The following GPBP1 variants were observed in gnomAD, a reference collection of about 807,000 sequenced individuals.
GPBP1 encodes the protein GC-rich promoter binding protein 1.
In GPBP1, 13 loss-of-function variants were observed where a neutral mutation model predicts 56.5. That is an observed-to-expected ratio of 0.23 (90% confidence interval 0.15 to 0.37). The LOEUF is 0.37. Among genes scored for constraint, GPBP1 ranks in the 10% least tolerant of loss-of-function variants. The pLI, the probability that GPBP1 is intolerant of heterozygous loss-of-function variation, is 1.00. For missense variants in GPBP1, 477 were observed against 572.3 expected (o/e 0.83, Z 1.70); for synonymous variants, 204 against 188.9 (o/e 1.08, Z -0.66).
chr5:57,228,095 G>A (rs1432722603), intron 3 of GPBP1, among the ~76,000 whole-genome samples: 2 of 152,150 alleles, frequency 1.3e-5, no homozygotes, highest in African/African-American at 2.4e-5. Flanking sequence ...ATAGTAACAA[G>A]TACCCTGTTT....
intron 2 of GPBP1, among the ~76,000 whole-genome samples, chr5:57,176,938 G>A (rs1476596281): frequency 1.3e-5 from 2 of 152,136 alleles, no homozygotes; most frequent in Non-Finnish European, 2.9e-5. Flanking sequence ...AGGCATAGTT[G>A]TTCCTAACAT....
intron 2 of GPBP1, among the ~76,000 whole-genome samples, chr5:57,184,352 G>A (rs758789564): frequency 2.6e-5 from 4 of 152,140 alleles, no homozygotes; most frequent in Non-Finnish European, 4.4e-5. Flanking sequence ...GGTTTTATTG[G>A]CTCTTGGTTC....
chr5:57,185,939 G>A (rs1436942024), intron 2 of GPBP1, among the ~76,000 whole-genome samples: 1 of 151,624 alleles, frequency 6.6e-6, no homozygotes, highest in Non-Finnish European at 1.5e-5. Context: ...TGGACGATGA[G>A]AGTGAACCTT....
chr5:57,186,297 G>A lies in GPBP1; in HGVS notation c.-58+9897G>A, dbSNP rs554896752. ...GCTACTTGAGAGACCAAGGTGGCAG[G>A]TTTGCTTGAACCCAGGAGTTCAAGG... On this transcript the variant is annotated intron_variant, in intron 2 of 11. Coordinates refer to ENST00000506184, the MANE Select transcript of GPBP1 (RefSeq NM_022913.4). Among the ~76,000 whole-genome samples, 3 of 151,758 alleles carry A rather than the reference G, an allele frequency of 2.0e-5. No homozygotes were observed. In the South Asian group the frequency reaches 6.2e-4, roughly 32 times the overall value.
chr5:57,227,140 C>T (rs1048743515), intron 3 of GPBP1, among the ~76,000 whole-genome samples: 7 of 152,134 alleles, frequency 4.6e-5, no homozygotes, highest in Non-Finnish European at 8.8e-5. Flanking sequence ...GCAACCTCCA[C>T]CTCCCAGGTT....
intron 2 of GPBP1, among the ~76,000 whole-genome samples, chr5:57,196,221 C>T (rs1008393218): frequency 6.6e-6 from 1 of 151,816 alleles, no homozygotes; most frequent in Non-Finnish European, 1.5e-5. Flanking sequence ...AGGCTGGTCT[C>T]GAAGTCCTGG....
At chr5:57,183,753 G>A (rs1207641930) in intron 2 of GPBP1, among the ~76,000 whole-genome samples, 1 of 149,242 alleles carries the variant, frequency 6.7e-6, no homozygotes, top group Non-Finnish European at 1.5e-5. Flanking sequence ...TTTTAATACG[G>A]GGGGGATATG....
intron 10 of GPBP1, among the ~76,000 whole-genome samples, chr5:57,258,758 G>A (rs1308011625): frequency 6.6e-6 from 1 of 152,142 alleles, no homozygotes; most frequent in African/African-American, 2.4e-5. Flanking sequence ...TGGAATTACA[G>A]GCATGAGCCA....
At chr5:57,182,404 ACT>A (rs1344882073) in intron 2 of GPBP1, among the ~76,000 whole-genome samples, 1 of 116,360 alleles carries the variant, frequency 8.6e-6, no homozygotes, top group Non-Finnish European at 1.8e-5. Flanking sequence ...ATGGAGTCTC[ACT>A]CTGTCGCCCA....
chr5:57,239,886 T>C (rs1354211783), intron 6 of GPBP1, among the ~76,000 whole-genome samples: 1 of 152,218 alleles, frequency 6.6e-6, no homozygotes, highest in Non-Finnish European at 1.5e-5. Context: ...TAGAAATTTG[T>C]TTAAATTGCT....
chr5:57,202,944 G>A (rs1755082358), intron 2 of GPBP1, among the ~76,000 whole-genome samples: 1 of 152,202 alleles, frequency 6.6e-6, no homozygotes, highest in Non-Finnish European at 1.5e-5. Context: ...TCCATAGGCT[G>A]TTAGAATAAA....
At chr5:57,252,256 T>C (rs1304744033) in intron 10 of GPBP1, among the ~76,000 whole-genome samples, 2 of 151,862 alleles carry the variant, frequency 1.3e-5, no homozygotes, top group Non-Finnish European at 2.9e-5. Context: ...GCTTCAGTGG[T>C]ACCTATTGAA....
At chr5:57,251,506 T>C (rs1206740332) in intron 10 of GPBP1, among the ~76,000 whole-genome samples, 1 of 152,106 alleles carries the variant, frequency 6.6e-6, no homozygotes, top group African/African-American at 2.4e-5. Context: ...TTTTTATTGC[T>C]GAATAGTACA....
Position 57,262,843 on chromosome 5 carries a change from T to A in GPBP1, c.*91T>A. 8.5e-7 allele frequency: 1 copy of A among 1,179,040 alleles called. No individual in the cohort carries two copies. The allele number at this position is 1,179,040 out of a possible 1,614,324, so 73.0% of individuals were successfully genotyped here. A position where few individuals can be genotyped will look rare whatever the true frequency, so the allele number is the denominator to read the frequency against. ...TAAAAATGAAGAACTATAATTTATGTAGTGAAATACCCCATTAGAAGAGGA... is the reference window on the plus strand; with the variant it reads ...TAAAAATGAAGAACTATAATTTATGAAGTGAAATACCCCATTAGAAGAGGA... On this transcript the variant is annotated 3_prime_UTR_variant, in exon 12 of 12. Coordinates refer to ENST00000506184, the MANE Select transcript of GPBP1 (RefSeq NM_022913.4).
At chr5:57,189,447 A>G (rs1219989997) in intron 2 of GPBP1, among the ~76,000 whole-genome samples, 1 of 152,036 alleles carries the variant, frequency 6.6e-6, no homozygotes, top group Non-Finnish European at 1.5e-5. Flanking sequence ...TAGTAGAGAC[A>G]GGGTTTTACT....
intron 2 of GPBP1, among the ~76,000 whole-genome samples, chr5:57,198,754 G>C (rs1482718589): frequency 6.6e-6 from 1 of 152,096 alleles, no homozygotes; most frequent in African/African-American, 2.4e-5. Context: ...AGGCTGAGGT[G>C]GGAGAATTGC....
chr5:57,226,907 T>C (rs1304952251), intron 3 of GPBP1, among the ~76,000 whole-genome samples: 1 of 151,846 alleles, frequency 6.6e-6, no homozygotes, highest in East Asian at 1.9e-4. Flanking sequence ...GCCTGACTAA[T>C]TTTTTGTATT....
intron 3 of GPBP1, among the ~76,000 whole-genome samples, chr5:57,221,805 T>C (rs1755970064): frequency 6.6e-6 from 1 of 152,196 alleles, no homozygotes; most frequent in Admixed American, 6.5e-5. Flanking sequence ...ATGTAGGCTA[T>C]TTATACTTTT....
intron 2 of GPBP1, among the ~76,000 whole-genome samples, chr5:57,197,707 C>T (rs1161549644): frequency 1.3e-5 from 2 of 151,608 alleles, no homozygotes; most frequent in Non-Finnish European, 2.9e-5. Flanking sequence ...ATTTGCCAGG[C>T]AGGTGTTGTT....
Sources: gnomAD v4.1 joint callset for allele counts (sites outside exome capture counted in the v4.1 genomes callset) on GRCh38, gnomAD v4.1.1 for gene constraint, MANE v1.5 for transcripts, NCBI Gene and HGNC (gene_info 2026-07-23, HGNC 2026-07-21) for gene names.